Variants in RALGAPA2 observed in about 807,000 individuals in gnomAD.
RALGAPA2 encodes Ral GTPase activating protein catalytic subunit alpha 2.
In RALGAPA2, 139 loss-of-function variants were observed where a neutral mutation model predicts 230.4. The observed-to-expected ratio is 0.60, with a 90% CI of 0.53 to 0.69. The LOEUF (loss-of-function observed/expected upper bound fraction) is 0.69. RALGAPA2 is among the 30% of genes least tolerant of loss of function. RALGAPA2 has a pLI of 0.00. For missense variants in RALGAPA2, 2,163 were observed against 2,276.0 expected (o/e 0.95, Z 1.01); for synonymous variants, 847 against 837.8 (o/e 1.01, Z -0.19).
At chr20:20,545,236 TTC>T (rs2063749513) in intron 24 of RALGAPA2, among the ~76,000 whole-genome samples, 1 of 152,140 alleles carries the variant, frequency 6.6e-6, no homozygotes, top group Non-Finnish European at 1.5e-5. Flanking sequence ...ACTTTTTTTT[TTC>T]TTTTTAAGAG....
intron 16 of RALGAPA2, among the ~76,000 whole-genome samples, chr20:20,592,346 C>CACTTTAGTCTCCAGTAGT (rs1568621404): frequency 1.3e-5 from 2 of 152,116 alleles, no homozygotes; most frequent in African/African-American, 4.8e-5. Context: ...TACTCTAGCT[C>CACTTTAGTCTCCAGTAGT]ACTTTAGTCT....
At chr20:20,521,664 T>C (rs761506919) in intron 30 of RALGAPA2, among the ~76,000 whole-genome samples, 5 of 152,244 alleles carry the variant, frequency 3.3e-5, no homozygotes, top group Non-Finnish European at 7.3e-5. Context: ...ATTTGAGCCT[T>C]TGTACACATA....
At chr20:20,421,258 C>T (rs927599045) in intron 37 of RALGAPA2, among the ~76,000 whole-genome samples, 1 of 152,152 alleles carries the variant, frequency 6.6e-6, no homozygotes, top group African/African-American at 2.4e-5. Flanking sequence ...TAATAAGATA[C>T]GACCTCACGT....
Position 20,511,259 on chromosome 20 carries a change from G to C in RALGAPA2, c.4923C>G (p.Arg1641=). Residue 1641 remains arginine, a synonymous_variant, in exon 33 of 40, where the codon CGC becomes CGG. Coordinates refer to ENST00000202677, the MANE Select transcript of RALGAPA2 (RefSeq NM_020343.4). ...LLRELKNLDS[R]QCRETHKIAV... is the part of the protein sequence containing the mutation. Reference sequence around the variant, plus strand: ...TTTGATATACTTTCACATACCACTGGCGGGAGTCCAAATTTTTCAGCTCTC... The same window carrying C: ...TTTGATATACTTTCACATACCACTGCCGGGAGTCCAAATTTTTCAGCTCTC... 6.3e-7 allele frequency: 1 copy of C among 1,576,056 alleles called. No homozygotes were observed. Among genetic ancestry groups the C allele is most frequent in the Non-Finnish European group, 8.6e-7 (1 of 1,159,838 alleles).
intron 3 of RALGAPA2, among the ~76,000 whole-genome samples, chr20:20,657,278 C>T (rs2067621347): frequency 6.6e-6 from 1 of 152,160 alleles, no homozygotes; most frequent in Non-Finnish European, 1.5e-5. Flanking sequence ...TCCAGTGTGA[C>T]CAGAAATGGC....
At chr20:20,402,688 G>A (rs2059870701) in intron 38 of RALGAPA2, among the ~76,000 whole-genome samples, 1 of 152,230 alleles carries the variant, frequency 6.6e-6, no homozygotes, top group Non-Finnish European at 1.5e-5. Flanking sequence ...TGACATACCT[G>A]TTGCGTGCCC....
chr20:20,496,638 AT>A (rs1247127006), intron 35 of RALGAPA2, among the ~76,000 whole-genome samples: 3 of 152,210 alleles, frequency 2.0e-5, no homozygotes, highest in African/African-American at 7.2e-5. Context: ...CAAATTTAAC[AT>A]TTTTAGTTTT....
intron 36 of RALGAPA2, among the ~76,000 whole-genome samples, chr20:20,491,917 A>G (rs2062069678): frequency 1.3e-5 from 2 of 152,150 alleles, no homozygotes; most frequent in South Asian, 4.1e-4. Flanking sequence ...TTATGCGTTC[A>G]CACAAGCACA....
intron 23 of RALGAPA2, among the ~76,000 whole-genome samples, chr20:20,568,864 A>G (rs1001418646): frequency 4.4e-4 from 67 of 152,210 alleles, no homozygotes; most frequent in African/African-American, 1.4e-3. Flanking sequence ...TCAATTTTAA[A>G]CAATTATTTA....
rs567209950 is a variant in RALGAPA2 at position 20,464,329 on chromosome 20, T to A, written c.5495+8500A>T. Among the ~76,000 whole-genome samples, 7 of 152,354 alleles carry A rather than the reference T, an allele frequency of 4.6e-5. No individual in the cohort carries two copies. In the East Asian group the frequency reaches 1.3e-3, roughly 29 times the overall value. On this transcript the variant is annotated intron_variant, in intron 37 of 39. Coordinates refer to ENST00000202677, the MANE Select transcript of RALGAPA2 (RefSeq NM_020343.4). ...TCTCAGAGCCATGGAGAGCTTCCTT[T>A]AGGCATTACAAGCCTGTTTTATTTA... is the stretch of plus-strand genomic sequence containing the variant.
chr20:20,561,247 G>GTC (rs2064248369), intron 23 of RALGAPA2, among the ~76,000 whole-genome samples: 1 of 152,208 alleles, frequency 6.6e-6, no homozygotes, highest in African/African-American at 2.4e-5. Flanking sequence ...GGGTAAAACA[G>GTC]TCTCTCTCAC....
At chr20:20,698,002 A>G (rs2069184553) in intron 1 of RALGAPA2, among the ~76,000 whole-genome samples, 1 of 152,112 alleles carries the variant, frequency 6.6e-6, no homozygotes, top group African/African-American at 2.4e-5. Context: ...TTGCAACCTA[A>G]AAGTCCTAAG....
chr20:20,571,533 C>G lies in RALGAPA2; in HGVS notation c.3081G>C (p.Gln1027His), dbSNP rs750407932. Residue 1027 changes from glutamine to histidine, a missense_variant, in exon 23 of 40, where the codon CAG (glutamine) becomes CAC (histidine). By Grantham distance (24) the Gln-to-His change is conservative. Transcript: ENST00000202677. ...GGAAATCTGAGTTTGGCAGAACGTC[C>G]TGGCGTCTGGTCATCATGGCACAGA... ...RLICAMMTRR[Q>H]DVLPNSDFLV... 1 of 1,612,734 alleles carries G rather than the reference C, an allele frequency of 6.2e-7. No homozygotes were observed. The highest frequency in any genetic ancestry group is 1.7e-5 in the Admixed American group (1 of 59,832).
intron 1 of RALGAPA2, among the ~76,000 whole-genome samples, chr20:20,687,540 A>C (rs965831159): frequency 5.3e-5 from 8 of 152,214 alleles, no homozygotes; most frequent in Non-Finnish European, 8.8e-5. Context: ...AAGCAAAATG[A>C]GAAAATTCAT....
At chr20:20,407,447 A>C (rs2059969818) in intron 38 of RALGAPA2, among the ~76,000 whole-genome samples, 1 of 152,240 alleles carries the variant, frequency 6.6e-6, no homozygotes, top group Non-Finnish European at 1.5e-5. Context: ...GCCAAGGAAG[A>C]CTGCCTGTCA....
intron 37 of RALGAPA2, among the ~76,000 whole-genome samples, chr20:20,430,835 G>C (rs752281613): frequency 6.6e-6 from 1 of 152,166 alleles, no homozygotes; most frequent in Non-Finnish European, 1.5e-5. Flanking sequence ...GTTAAGGACA[G>C]TACATGAGCG....
chr20:20,595,539 G>T (rs1360663797), intron 16 of RALGAPA2, among the ~76,000 whole-genome samples: 4 of 152,130 alleles, frequency 2.6e-5, no homozygotes, highest in African/African-American at 7.2e-5. Flanking sequence ...TGCTTTTTTA[G>T]AATAAGGGGA....
At chr20:20,653,720 C>T (rs2067490069) in intron 3 of RALGAPA2, 133 bp from the exon 4 acceptor site, 3 of 529,440 alleles carry the variant, frequency 5.7e-6, no homozygotes, top group Non-Finnish European at 3.4e-6. Context: ...AAATACTGCA[C>T]TTCATGCTGT....
intron 7 of RALGAPA2, among the ~76,000 whole-genome samples, chr20:20,638,041 A>G (rs1266684513): frequency 6.6e-6 from 1 of 152,230 alleles, no homozygotes; most frequent in Non-Finnish European, 1.5e-5. Flanking sequence ...TAAACCAGAC[A>G]TGCCAGTCCA....
Sources: gnomAD v4.1 joint callset for allele counts (sites outside exome capture counted in the v4.1 genomes callset) on GRCh38, gnomAD v4.1.1 for gene constraint, MANE v1.5 for transcripts, NCBI Gene and HGNC (gene_info 2026-07-23, HGNC 2026-07-21) for gene names.